Variants in WWOX observed in about 807,000 individuals in gnomAD.
WWOX encodes the protein WW domain containing oxidoreductase, also known as WW domain-containing oxidoreductase.
WWOX carries 69 observed loss-of-function variants against 46.2 expected under a neutral mutation model. The ratio of observed to expected loss-of-function variants is 1.49; its 90% CI spans 1.23 to 1.82. WWOX has a LOEUF of 1.82. WWOX is among the 40% of genes most tolerant of loss of function. WWOX has a pLI of 0.00. For missense variants in WWOX, 919 were observed against 542.6 expected (o/e 1.69, Z -6.89); for synonymous variants, 359 against 202.6 (o/e 1.77, Z -6.56).
At chr16:78,376,094 C>T (rs1010658334) in intron 5 of WWOX, among the ~76,000 whole-genome samples, 1 of 152,152 alleles carries the variant, frequency 6.6e-6, no homozygotes, top group Non-Finnish European at 1.5e-5. Context: ...AAGTGATCCA[C>T]CCGCTTCAGC....
rs573151258 is a variant in WWOX at position 78,949,971 on chromosome 16, T to G, written c.1057-261637T>G. 3.3e-5 allele frequency among the ~76,000 whole-genome samples: 5 copies of G among 152,342 alleles called. No individual in the cohort carries two copies. In the South Asian group the frequency reaches 1.0e-3, roughly 32 times the overall value. ...AGCACTTTTCATGCATTATTTAACCTAGCTATAATACTCCCATTTGACAGA... is the reference window on the plus strand; with the variant it reads ...AGCACTTTTCATGCATTATTTAACCGAGCTATAATACTCCCATTTGACAGA... On this transcript the variant is annotated intron_variant, in intron 8 of 8. Coordinates refer to ENST00000566780, the MANE Select transcript of WWOX (RefSeq NM_016373.4).
At chr16:78,249,976 A>G (rs2037938477) in intron 5 of WWOX, among the ~76,000 whole-genome samples, 1 of 152,194 alleles carries the variant, frequency 6.6e-6, no homozygotes, top group Admixed American at 6.5e-5. Flanking sequence ...CCAGGTCCCC[A>G]GTGAGCGGCT....
In WWOX at chr16:78,240,841, A is replaced by G. The variant is rs190549735; in HGVS notation, c.516+76552A>G. Reference sequence around the variant, plus strand: ...TTAGAAGATCCCTGTCTCATTGAGAAGCGTTGAGTAAATGGGTCTCTCTGG... The same window carrying G: ...TTAGAAGATCCCTGTCTCATTGAGAGGCGTTGAGTAAATGGGTCTCTCTGG... On this transcript the variant is annotated intron_variant, in intron 5 of 8. Transcript: ENST00000566780. Among the ~76,000 whole-genome samples, 453 of 152,328 alleles carry G rather than the reference A, an allele frequency of 3.0e-3. 6 individuals are homozygous for G. The highest frequency in any genetic ancestry group is 2.3e-3 in the Non-Finnish European group (156 of 68,024).
chr16:78,721,616 C>T (rs188529858), intron 8 of WWOX, among the ~76,000 whole-genome samples: 13 of 152,166 alleles, frequency 8.5e-5, no homozygotes, highest in African/African-American at 2.9e-4. Flanking sequence ...TAAAGCAGGA[C>T]ATGTGCTTTG....
At chr16:78,522,979 G>A (rs1384045218) in intron 8 of WWOX, among the ~76,000 whole-genome samples, 3 of 152,208 alleles carry the variant, frequency 2.0e-5, no homozygotes, top group African/African-American at 7.2e-5. Context: ...GGCTGAGGCA[G>A]GAGAATTGTT....
rs2045111346 is a variant in WWOX at position 78,911,542 on chromosome 16, T to G, written c.1057-300066T>G. On this transcript the variant is annotated intron_variant, in intron 8 of 8. Transcript: ENST00000566780. ...TTGGTAATTGAATGAAATAAGACTC[T>G]TAGGAAAATTCTCCCCAGTGGCAAT... 2.0e-5 allele frequency among the ~76,000 whole-genome samples: 3 copies of G among 151,934 alleles called. No homozygotes were observed. The South Asian group carries it at 6.2e-4, about 32-fold the overall frequency.
In WWOX at chr16:78,990,806, G is replaced by C. The variant is rs542764215; in HGVS notation, c.1057-220802G>C. Among the ~76,000 whole-genome samples, 4 of 152,218 alleles carry C rather than the reference G, an allele frequency of 2.6e-5. No homozygotes were observed. The South Asian group carries it at 8.3e-4, about 32-fold the overall frequency. On this transcript the variant is annotated intron_variant, in intron 8 of 8. Coordinates refer to ENST00000566780, the MANE Select transcript of WWOX (RefSeq NM_016373.4). Reference sequence around the variant, plus strand: ...AGGATCCCTCTGCTGTCTTAATCAAGCTTTGCCTCAGTCTTTCTGGACTGA... The same window carrying C: ...AGGATCCCTCTGCTGTCTTAATCAACCTTTGCCTCAGTCTTTCTGGACTGA...
rs62034035 is a variant in WWOX at position 78,575,864 on chromosome 16, G to A, written c.1056+143112G>A. Reference sequence around the variant, plus strand: ...TACTGCATGGGACATTTTTAAACATGTAAAAAAATCAATTTTCGTAAGGTT... The same window carrying A: ...TACTGCATGGGACATTTTTAAACATATAAAAAAATCAATTTTCGTAAGGTT... On this transcript the variant is annotated intron_variant, in intron 8 of 8. Transcript: ENST00000566780. Among the ~76,000 whole-genome samples the A allele has an allele frequency of 4.6e-3, 706 of 151,956 alleles. 5 individuals are homozygous for A. The highest frequency in any genetic ancestry group is 7.7e-3 in the Non-Finnish European group (524 of 67,984).
At chr16:78,182,967 AG>A (rs138197515) in intron 5 of WWOX, among the ~76,000 whole-genome samples, 17,568 of 138,374 alleles carry the variant, frequency 0.13, 1,521 homozygotes, top group Non-Finnish European at 0.18. Context: ...AAAAAAAAAA[AG>A]AAAGAAAGAA....
At chr16:78,128,439 G>A (rs1409558371) in intron 4 of WWOX, among the ~76,000 whole-genome samples, 1 of 152,196 alleles carries the variant, frequency 6.6e-6, no homozygotes, top group Non-Finnish European at 1.5e-5. Context: ...GTGGGTTGCA[G>A]TTGTGTTGAG....
At chr16:78,618,165 G>C (rs939624981) in intron 8 of WWOX, among the ~76,000 whole-genome samples, 1 of 152,306 alleles carries the variant, frequency 6.6e-6, no homozygotes, top group East Asian at 1.9e-4. Flanking sequence ...ACAGCACAAA[G>C]TGGGGACTTG....
chr16:79,146,397 C>G (rs917133480), intron 8 of WWOX, among the ~76,000 whole-genome samples: 1 of 152,132 alleles, frequency 6.6e-6, no homozygotes, highest in African/African-American at 2.4e-5. Flanking sequence ...TCCTCCAGAA[C>G]TGGCTTATAT....
chr16:79,027,823 A>G (rs969983814), intron 8 of WWOX, among the ~76,000 whole-genome samples: 2 of 151,810 alleles, frequency 1.3e-5, no homozygotes, highest in Non-Finnish European at 2.9e-5. Context: ...GTGGTTGCCT[A>G]GTGTCTTCTA....
intron 8 of WWOX, among the ~76,000 whole-genome samples, chr16:78,792,667 T>A (rs1318776319): frequency 2.6e-5 from 4 of 152,176 alleles, no homozygotes. Flanking sequence ...AGGATACCTT[T>A]GGGGCAGACA....
At chr16:78,857,308 A>T (rs540139107) in intron 8 of WWOX, among the ~76,000 whole-genome samples, 43 of 152,340 alleles carry the variant, frequency 2.8e-4, no homozygotes, top group Middle Eastern at 3.4e-3. Flanking sequence ...TTGAACAATG[A>T]GATACTGTTT....
At chr16:78,579,491 G>A (rs151312599) in intron 8 of WWOX, among the ~76,000 whole-genome samples, 88 of 152,148 alleles carry the variant, frequency 5.8e-4, no homozygotes, top group African/African-American at 2.1e-3. Flanking sequence ...TAAACCAGGG[G>A]GTAGGAAACA....
At chr16:78,499,547 C>T (rs1379190560) in intron 8 of WWOX, among the ~76,000 whole-genome samples, 1 of 152,206 alleles carries the variant, frequency 6.6e-6, no homozygotes, top group African/African-American at 2.4e-5. Flanking sequence ...TCCTTGAGTC[C>T]ACAATGCCGG....
At chr16:78,334,971 A>G (rs907725657) in intron 5 of WWOX, among the ~76,000 whole-genome samples, 3 of 151,430 alleles carry the variant, frequency 2.0e-5, no homozygotes, top group Non-Finnish European at 4.4e-5. Context: ...GTTTATTATG[A>G]GATACACGAA....
chr16:78,607,235 G>A (rs996222408), intron 8 of WWOX, among the ~76,000 whole-genome samples: 34 of 151,420 alleles, frequency 2.2e-4, no homozygotes, highest in African/African-American at 6.1e-4. Flanking sequence ...TTAATAAAGC[G>A]GTTTATATTT....
Sources: allele counts gnomAD v4.1 joint callset (sites outside exome capture counted in the v4.1 genomes callset), GRCh38; gene constraint gnomAD v4.1.1; transcripts MANE v1.5; gene names NCBI Gene and HGNC (gene_info 2026-07-23, HGNC 2026-07-21).